The following DYNC2H1 variants were observed in gnomAD, a reference collection of about 807,000 sequenced individuals.
The protein encoded by DYNC2H1 is cytoplasmic dynein 2 heavy chain 1.
DYNC2H1 carries 410 observed loss-of-function variants against 570.0 expected under a neutral mutation model. The observed-to-expected ratio is 0.72, with a 90% CI of 0.66 to 0.78. The LOEUF is 0.78. DYNC2H1 is among the 30% of genes least tolerant of loss of function. DYNC2H1 has a pLI of 0.00. For missense variants in DYNC2H1, 4,865 were observed against 5,046.4 expected (o/e 0.96, Z 1.09); for synonymous variants, 1,688 against 1,677.6 (o/e 1.01, Z -0.15).
rs138076996 is a variant in DYNC2H1, at chr11:103,372,997, G to A, written c.12156+14638G>A. Among the ~76,000 whole-genome samples, 582 of 152,206 alleles carry A rather than the reference G, an allele frequency of 3.8e-3. 5 individuals carry two copies. The highest frequency in any genetic ancestry group is 0.013 in the African/African-American group (557 of 41,524). ...CTTGCTCTGTCACTCAGGCTGGAGT[G>A]CAGTGGTGTGATCTTGACTCACTGC... On this transcript the variant is annotated intron_variant, in intron 83 of 88. Coordinates refer to ENST00000375735, the MANE Select transcript of DYNC2H1 (RefSeq NM_001377.3).
rs11225716 is a variant in DYNC2H1, at chr11:103,326,006, T to G, written c.12039+2016T>G. Among the ~76,000 whole-genome samples, 12,735 of 152,076 alleles carry G rather than the reference T, an allele frequency of 0.084. 1,395 individuals carry two copies. Among genetic ancestry groups the G allele is most frequent in the African/African-American group, 0.25 (10,403 of 41,420 alleles). ...CAAGTTGGGTGCACTCAGTTGGGTT[T>G]GGTTTGGGGCGCTTTCAGAGGGCCA... On this transcript the variant is annotated intron_variant, in intron 82 of 88. Coordinates refer to ENST00000375735, the MANE Select transcript of DYNC2H1 (RefSeq NM_001377.3). This position sits in a 1 kb window ranked among gnomAD's most constrained non-coding sequence, Gnocchi z 6.1.
chr11:103,272,479 G>T (rs1865749029), intron 70 of DYNC2H1, among the ~76,000 whole-genome samples: 1 of 152,110 alleles, frequency 6.6e-6, no homozygotes, highest in African/African-American at 2.4e-5. Context: ...TGTAAATGAC[G>T]AGTTAATGGG....
At chr11:103,411,357 G>T (rs1943079644) in intron 84 of DYNC2H1, among the ~76,000 whole-genome samples, 2 of 151,934 alleles carry the variant, frequency 1.3e-5, no homozygotes, top group African/African-American at 4.8e-5. Flanking sequence ...GAAATTGGTT[G>T]TTGTGCTTAT....
intron 85 of DYNC2H1, among the ~76,000 whole-genome samples, chr11:103,445,801 A>T (rs761800955): frequency 5.3e-5 from 8 of 152,196 alleles, no homozygotes; most frequent in African/African-American, 1.4e-4. Flanking sequence ...ACAGGCGCAC[A>T]CCATCATGCC....
In DYNC2H1 at chr11:103,244,830, ATAGT is replaced by A. The variant is rs1864550742; in HGVS notation, c.9919-418_9919-415del. On this transcript the variant is annotated intron_variant, in intron 64 of 88. Transcript: ENST00000375735. The surrounding 1 kb of genome is among the most constrained non-coding windows in gnomAD (Gnocchi z 4.3). Reference sequence around the variant, plus strand: ...TAGTTATAGACATATAAGTAACTATATAGTTACTTTTATATATATGTACACACAC... The same window carrying A: ...TAGTTATAGACATATAAGTAACTATATACTTTTATATATATGTACACACAC... Among the ~76,000 whole-genome samples, 1 of 150,604 alleles carries A rather than the reference ATAGT, an allele frequency of 6.6e-6. No homozygotes were observed. The highest frequency in any genetic ancestry group is 1.5e-5 in the Non-Finnish European group (1 of 67,618).
At chr11:103,418,815 C>G (rs1943375905) in intron 84 of DYNC2H1, among the ~76,000 whole-genome samples, 1 of 152,186 alleles carries the variant, frequency 6.6e-6, no homozygotes, top group Non-Finnish European at 1.5e-5. Context: ...TTCTCCCACA[C>G]ATCTTTGCAA....
In DYNC2H1 at chr11:103,252,259, G is replaced by A. The variant is rs1473426376; in HGVS notation, c.10043-1026G>A. ...CCACATTTTCTTTATCCGATCTGTTGATGGACATTCAGGTTGTTTCCATGT... is the reference window on the plus strand; with the variant it reads ...CCACATTTTCTTTATCCGATCTGTTAATGGACATTCAGGTTGTTTCCATGT... On this transcript the variant is annotated intron_variant, in intron 65 of 88. Transcript: ENST00000375735. The surrounding 1 kb of genome is among the most constrained non-coding windows in gnomAD (Gnocchi z 4.6). 2.6e-5 allele frequency among the ~76,000 whole-genome samples: 4 copies of A among 152,008 alleles called. No individual in the cohort carries two copies. Among genetic ancestry groups the A allele is most frequent in the Admixed American group, 2.0e-4 (3 of 15,256 alleles).
intron 85 of DYNC2H1, among the ~76,000 whole-genome samples, chr11:103,440,147 T>C (rs1371934886): frequency 1.3e-5 from 2 of 152,154 alleles, no homozygotes; most frequent in African/African-American, 4.8e-5. Context: ...GCCTTGCTCA[T>C]GTGTTGATTT....
chr11:103,288,706 A>AAG (rs1220888261), intron 75 of DYNC2H1, among the ~76,000 whole-genome samples: 16 of 147,654 alleles, frequency 1.1e-4, no homozygotes, highest in Admixed American at 6.8e-4. Flanking sequence ...AAAAAAAAAA[A>AAG]AAAAGAAAAG....
intron 1 of DYNC2H1, 60 bp from the exon 2 acceptor site, chr11:103,113,477 A>T: frequency 1.5e-6 from 2 of 1,347,934 alleles, no homozygotes; most frequent in South Asian, 1.9e-5. Context: ...AACTTTGTCT[A>T]CATTTTTTTC....
At chr11:103,409,709 T>G (rs1008008437) in intron 84 of DYNC2H1, 1 of 154,842 alleles carries the variant, frequency 6.5e-6, no homozygotes, top group Non-Finnish European at 1.4e-5. Context: ...CTCGGTAGGT[T>G]TGTCACTGCT....
intron 78 of DYNC2H1, 57 bp downstream of exon 78, chr11:103,307,888 A>G: frequency 1.0e-6 from 1 of 971,986 alleles, no homozygotes; most frequent in Non-Finnish European, 1.5e-6. Flanking sequence ...TCTATACATG[A>G]CTTCTAAAAC....
Position 103,122,954 on chromosome 11 carries a change from T to G in DYNC2H1, c.1615T>G (p.Ser539Ala). Residue 539 changes from serine to alanine, a missense_variant, in exon 11 of 89, where the codon TCC becomes GCC. Physicochemically the swap from Ser to Ala is moderately conservative, Grantham distance 99 (BLOSUM62 1). Around this residue, in one of 5 missense-constraint regions of DYNC2H1, gnomAD observed 1,936 missense variants for 1,962.1 expected, o/e 0.99. Coordinates refer to ENST00000375735, the MANE Select transcript of DYNC2H1 (RefSeq NM_001377.3). ...LYEQEQFDDW[S>A]RDIQSGLSDS... ...TGAACAGGAACAATTTGATGATTGG[T>G]CCAGGGATATTCAATCAGGTTTATC... 6.3e-7 allele frequency: 1 copy of G among 1,596,054 alleles called. No homozygotes were observed. Among genetic ancestry groups the G allele is most frequent in the Non-Finnish European group, 8.6e-7 (1 of 1,168,478 alleles).
At chr11:103,214,400 T>C (rs1226201996) in intron 54 of DYNC2H1, among the ~76,000 whole-genome samples, 1 of 152,060 alleles carries the variant, frequency 6.6e-6, no homozygotes, top group Non-Finnish European at 1.5e-5. Flanking sequence ...ATCTGTAGAT[T>C]GCTCTGAGTA....
chr11:103,391,151 G>C (rs916364680), intron 83 of DYNC2H1, among the ~76,000 whole-genome samples: 2 of 151,998 alleles, frequency 1.3e-5, no homozygotes, highest in African/African-American at 4.8e-5. Flanking sequence ...ACGTAGATTT[G>C]GTCTTTTCAC....
At chr11:103,438,888 AGTTCCAGT>A (rs1314828864) in intron 85 of DYNC2H1, among the ~76,000 whole-genome samples, 1 of 152,104 alleles carries the variant, frequency 6.6e-6, no homozygotes, top group African/African-American at 2.4e-5. Flanking sequence ...ATGTGTCTAT[AGTTCCAGT>A]GACTCAGGAG....
chr11:103,124,001 G>A (rs1858859985), intron 11 of DYNC2H1, among the ~76,000 whole-genome samples: 1 of 151,930 alleles, frequency 6.6e-6, no homozygotes, highest in African/African-American at 2.4e-5. Flanking sequence ...GAAAATTTGG[G>A]CTAAATCATC....
chr11:103,462,403 G>A (rs1945048402), intron 87 of DYNC2H1, among the ~76,000 whole-genome samples: 2 of 148,998 alleles, frequency 1.3e-5, no homozygotes. Context: ...TTGTTTTCTT[G>A]TTTTTAGTCA....
chr11:103,220,584 A>G (rs375935094), intron 56 of DYNC2H1, 39 bp from the exon 57 acceptor site: 20 of 1,540,548 alleles, frequency 1.3e-5, no homozygotes, highest in Non-Finnish European at 1.7e-5. Context: ...TTAAAGAAAT[A>G]TATAATTTGA....
Sources: gnomAD v4.1 joint callset for allele counts (sites outside exome capture counted in the v4.1 genomes callset) on GRCh38, gnomAD v4.1.1 for gene constraint, gnomAD v4.1.1 regional missense constraint, Gnocchi (gnomAD v3.1) non-coding constraint, MANE v1.5 for transcripts, NCBI Gene and HGNC (gene_info 2026-07-23, HGNC 2026-07-21) for gene names.